ADCY5: variants seen among roughly 807,000 people sequenced by gnomAD.
ADCY5 encodes adenylate cyclase type 5.
Under a neutral mutation model 119.7 loss-of-function variants are expected in ADCY5, and 30 were observed. The observed-to-expected ratio is 0.25, with a 90% confidence interval of 0.19 to 0.34. ADCY5 has a LOEUF of 0.34. Ranked by LOEUF, ADCY5 falls within the 10% of genes least tolerant of loss-of-function variation. The pLI, the probability that ADCY5 is intolerant of heterozygous loss-of-function variation, is 1.00. For missense variants in ADCY5, 1,324 were observed against 1,775.2 expected (o/e 0.75, Z 4.57); for synonymous variants, 753 against 762.2 (o/e 0.99, Z 0.20).
intron 1 of ADCY5, among the ~76,000 whole-genome samples, chr3:123,377,649 C>T (rs941985979): frequency 6.6e-6 from 1 of 152,188 alleles, no homozygotes; most frequent in African/African-American, 2.4e-5. Flanking sequence ...GTTGCATCCT[C>T]TGGTGTTCCA....
intron 6 of ADCY5, 45 bp downstream of exon 6, chr3:123,328,599 G>A (rs1408341915): frequency 2.5e-6 from 4 of 1,603,238 alleles, no homozygotes; most frequent in Non-Finnish European, 3.4e-6. Flanking sequence ...GGGCTTGAGT[G>A]GGAACCCAGG....
intron 1 of ADCY5, among the ~76,000 whole-genome samples, chr3:123,415,553 T>G (rs567141213): frequency 7.6e-4 from 115 of 152,280 alleles, no homozygotes; most frequent in African/African-American, 2.7e-3. Flanking sequence ...CGGGACCGTT[T>G]AGAAAATGAT....
intron 1 of ADCY5, among the ~76,000 whole-genome samples, chr3:123,414,381 C>T (rs1000408752): frequency 2.6e-5 from 4 of 152,178 alleles, no homozygotes; most frequent in South Asian, 2.1e-4. Context: ...GTTTCCACTT[C>T]GCTGACACTC....
intron 3 of ADCY5, among the ~76,000 whole-genome samples, chr3:123,346,510 C>T (rs1357435119): frequency 6.6e-6 from 1 of 152,172 alleles, no homozygotes; most frequent in African/African-American, 2.4e-5. Context: ...TCAGGATCCA[C>T]AGTCTCGGAT....
At chr3:123,330,387 T>C (rs1000580881) in intron 5 of ADCY5, among the ~76,000 whole-genome samples, 1 of 152,238 alleles carries the variant, frequency 6.6e-6, no homozygotes, top group Admixed American at 6.5e-5. Flanking sequence ...AGTGCCTTTT[T>C]GCTATGGCTC....
Position 123,437,131 on chromosome 3 carries a change from A to G in ADCY5, c.1134+10281T>C, listed in dbSNP as rs115969941. On this transcript the variant is annotated intron_variant, in intron 1 of 20. Transcript: ENST00000462833. ...AAGAAGAGTGTGTTATTAAGCCTGT[A>G]ACCACTGTGAGCCATTAGAGATTAA... Among the ~76,000 whole-genome samples the G allele has an allele frequency of 2.4e-3, 369 of 152,318 alleles. 1 individual carries two copies. Among genetic ancestry groups the G allele is most frequent in the African/African-American group, 8.6e-3 (357 of 41,566 alleles).
rs372176847 is a variant in ADCY5, at chr3:123,291,391, C to A, written c.3064-15G>T. The A allele has an allele frequency of 7.6e-5, 121 of 1,599,214 alleles. No homozygotes were observed. In the African/African-American group the frequency reaches 1.4e-3, roughly 19 times the overall value. ...TCCTCTGTGGCCTGAGAGAAAAAGA[C>A]TGCAAGTCACCCAGATGCCAATGTG... On this transcript the variant is annotated splice_polypyrimidine_tract_variant and intron_variant, in intron 17 of 20. Transcript: ENST00000462833.
At chr3:123,402,815 T>A (rs1467243165) in intron 1 of ADCY5, among the ~76,000 whole-genome samples, 1 of 140,722 alleles carries the variant, frequency 7.1e-6, no homozygotes, top group Non-Finnish European at 1.5e-5. Context: ...ATCGCGCCAC[T>A]GCACTCCAGC....
chr3:123,379,040 T>A (rs1943937668), intron 1 of ADCY5, among the ~76,000 whole-genome samples: 1 of 152,192 alleles, frequency 6.6e-6, no homozygotes, highest in South Asian at 2.1e-4. Context: ...TACACTCTTG[T>A]TCTCAGAGTT....
At chr3:123,382,285 A>C (rs893201782) in intron 1 of ADCY5, among the ~76,000 whole-genome samples, 6 of 152,222 alleles carry the variant, frequency 3.9e-5, no homozygotes, top group Admixed American at 3.9e-4. Flanking sequence ...TGTTGGTGAG[A>C]ATGGAGAAAT....
chr3:123,421,837 G>C (rs1423624040), intron 1 of ADCY5, among the ~76,000 whole-genome samples: 1 of 152,156 alleles, frequency 6.6e-6, no homozygotes, highest in Admixed American at 6.5e-5. Context: ...AGGACTGTGG[G>C]AGAGAGAGTT....
chr3:123,336,465 G>C lies in ADCY5; in HGVS notation c.1407-3790C>G, dbSNP rs77962745. Among the ~76,000 whole-genome samples, 1,366 of 152,380 alleles carry C rather than the reference G, an allele frequency of 9.0e-3. 28 individuals are homozygous for C. Among genetic ancestry groups the C allele is most frequent in the African/African-American group, 0.03 (1,261 of 41,594 alleles). On this transcript the variant is annotated intron_variant, in intron 3 of 20. Coordinates refer to ENST00000462833, the MANE Select transcript of ADCY5 (RefSeq NM_183357.3). Reference sequence around the variant, plus strand: ...AAGCTGGCAGGCAGCACGACCAGTGGCTGGTCCACCCCGAGCCTGAGGCTA... The same window carrying C: ...AAGCTGGCAGGCAGCACGACCAGTGCCTGGTCCACCCCGAGCCTGAGGCTA...
At chr3:123,427,849 T>C (rs1945443923) in intron 1 of ADCY5, among the ~76,000 whole-genome samples, 1 of 152,244 alleles carries the variant, frequency 6.6e-6, no homozygotes, top group Non-Finnish European at 1.5e-5. Context: ...GTCTGTGGCT[T>C]GTTCATCTTG....
intron 1 of ADCY5, among the ~76,000 whole-genome samples, chr3:123,412,271 G>A (rs1484371318): frequency 6.6e-6 from 1 of 152,218 alleles, no homozygotes; most frequent in Non-Finnish European, 1.5e-5. Flanking sequence ...CTGCCACCAG[G>A]CTGCCCTTAG....
At chr3:123,311,614 G>A (rs1481278823) in intron 12 of ADCY5, among the ~76,000 whole-genome samples, 1 of 152,372 alleles carries the variant, frequency 6.6e-6, no homozygotes, top group East Asian at 1.9e-4. Context: ...AATCAGGCCA[G>A]GAGAGGAGGC....
chr3:123,305,930 C>T (rs1940173255), intron 12 of ADCY5, among the ~76,000 whole-genome samples: 1 of 152,214 alleles, frequency 6.6e-6, no homozygotes, highest in East Asian at 1.9e-4. Flanking sequence ...TCATGCCATT[C>T]TCCTGTCTCA....
At chr3:123,308,688 GCT>G (rs1940357450) in intron 12 of ADCY5, among the ~76,000 whole-genome samples, 1 of 152,104 alleles carries the variant, frequency 6.6e-6, no homozygotes, top group East Asian at 1.9e-4. Context: ...AATTAGCCGG[GCT>G]TGGTGGCAGG....
chr3:123,286,608 GC>G lies in ADCY5; in HGVS notation c.3657+76del. 6.7e-7 allele frequency: 1 copy of G among 1,498,964 alleles called. No homozygotes were observed. Among genetic ancestry groups the G allele is most frequent in the Non-Finnish European group, 8.9e-7 (1 of 1,126,748 alleles). The allele number at this position is 1,498,964 out of a possible 1,614,324, so 92.9% of individuals were successfully genotyped here. On this transcript the variant is annotated intron_variant, in intron 20 of 20. Coordinates refer to ENST00000462833, the MANE Select transcript of ADCY5 (RefSeq NM_183357.3). This position sits in a 1 kb window ranked among gnomAD's most constrained non-coding sequence, Gnocchi z 4.2. ...ACATTCTGACTGGGAACTGTAGGTG[GC>G]CTGCCCTGAAGACCTCTCGGTGTCA...
At chr3:123,312,619 A>G (rs559646982) in intron 12 of ADCY5, among the ~76,000 whole-genome samples, 182 of 152,204 alleles carry the variant, frequency 1.2e-3, no homozygotes, top group Non-Finnish European at 2.1e-3. Flanking sequence ...TGCCTGTTCT[A>G]GGCATTTCAT....
Sources: allele counts gnomAD v4.1 joint callset (sites outside exome capture counted in the v4.1 genomes callset), GRCh38; gene constraint gnomAD v4.1.1; non-coding constraint Gnocchi (gnomAD v3.1); transcripts MANE v1.5; gene names NCBI Gene and HGNC (gene_info 2026-07-23, HGNC 2026-07-21).